ARHGAP35: variants seen among roughly 807,000 people sequenced by gnomAD.
ARHGAP35 encodes Rho GTPase activating protein 35.
Under a neutral mutation model 111.1 loss-of-function variants are expected in ARHGAP35, and 15 were observed. The observed-to-expected ratio is 0.13, with a 90% CI of 0.09 to 0.21. The LOEUF (loss-of-function observed/expected upper bound fraction) is 0.21, where lower values mean the gene tolerates loss of function less well. ARHGAP35 is among the 10% of genes least tolerant of loss of function. ARHGAP35 has a pLI of 1.00. For synonymous variants in ARHGAP35, 643 were observed against 710.3 expected (o/e 0.91, Z 1.51); for missense variants, 1,262 against 1,873.0 (o/e 0.67, Z 6.02).
chr19:46,983,433 A>ATT (rs1457864793), intron 3 of ARHGAP35, among the ~76,000 whole-genome samples: 6 of 152,032 alleles, frequency 3.9e-5, no homozygotes, highest in Admixed American at 2.0e-4. Context: ...GCTTATCATT[A>ATT]TTGTTATTAG....
intron 3 of ARHGAP35, among the ~76,000 whole-genome samples, chr19:46,963,888 G>A (rs773037903): frequency 6.6e-6 from 1 of 151,958 alleles, no homozygotes; most frequent in Non-Finnish European, 1.5e-5. Context: ...TATTTTTTGA[G>A]ATGGAATCTT....
intron 3 of ARHGAP35, among the ~76,000 whole-genome samples, chr19:46,972,669 G>T (rs1234821612): frequency 2.0e-5 from 3 of 152,102 alleles, no homozygotes; most frequent in African/African-American, 7.2e-5. Flanking sequence ...CATATTAAAA[G>T]AGATAATATG....
Position 47,001,198 on chromosome 19 carries a change from G to GT in ARHGAP35, c.*511dup, listed in dbSNP as rs2056746522. 7.9e-7 allele frequency: 1 copy of GT among 1,263,388 alleles called. No individual in the cohort carries two copies. The highest frequency in any genetic ancestry group is 1.5e-5 in the African/African-American group (1 of 64,804). The allele number at this position is 1,263,388 out of a possible 1,614,324, so 78.3% of individuals were successfully genotyped here. On this transcript the variant is annotated 3_prime_UTR_variant, in exon 7 of 7. Transcript: ENST00000672722. The surrounding 1 kb of genome is among the most constrained non-coding windows in gnomAD (Gnocchi z 5.4). Reference sequence around the variant, plus strand: ...CCCGGCTGGCGGCCTCCTTGGGAACGTGTAGGCCACGGCTCTGCCACCACT... The same window carrying GT: ...CCCGGCTGGCGGCCTCCTTGGGAACGTTGTAGGCCACGGCTCTGCCACCACT...
In ARHGAP35 at chr19:46,922,424, G is replaced by T; in HGVS notation, c.3681+68G>T. The T allele has an allele frequency of 7.2e-7, 1 of 1,379,614 alleles. No homozygotes were observed. The highest frequency in any genetic ancestry group is 9.5e-7 in the Non-Finnish European group (1 of 1,047,596). 85.5% of individuals were successfully genotyped at this position (1,379,614 alleles called of 1,614,324 possible). ...GTCTCGGTGAGGGTTGATTGATGAT[G>T]ATTTTTCAAGGACAACCTATTCTGG... On this transcript the variant is annotated intron_variant, in intron 2 of 6. Coordinates refer to ENST00000672722, the MANE Select transcript of ARHGAP35 (RefSeq NM_004491.5). This position sits in a 1 kb window ranked among gnomAD's most constrained non-coding sequence, Gnocchi z 4.0.
Position 46,920,722 on chromosome 19 carries a change from G to A in ARHGAP35, c.2047G>A (p.Glu683Lys). 1 of 1,613,668 alleles carries A rather than the reference G, an allele frequency of 6.2e-7. No homozygotes were observed. ...YVVESIEKSRESTLGRRDNHL... is the reference protein window; with the variant it reads ...YVVESIEKSRKSTLGRRDNHL... Reference sequence around the variant, plus strand: ...AGTGGAAAGTATAGAGAAGAGTAGAGAGTCCACGCTGGGCCGGCGGGATAA... The same window carrying A: ...AGTGGAAAGTATAGAGAAGAGTAGAAAGTCCACGCTGGGCCGGCGGGATAA... The change falls in exon 2 of 7, where the codon GAG becomes AAG. Residue 683 changes from glutamate to lysine, a missense_variant. Around this residue, in one of 8 missense-constraint regions of ARHGAP35, gnomAD observed 579 missense variants for 716.9 expected, o/e 0.81. Transcript: ENST00000672722. This position sits in a 1 kb window ranked among gnomAD's most constrained non-coding sequence, Gnocchi z 7.0.
chr19:46,862,827 C>G (rs1031686390), intron 1 of ARHGAP35, among the ~76,000 whole-genome samples: 1 of 152,154 alleles, frequency 6.6e-6, no homozygotes, highest in Non-Finnish European at 1.5e-5. Context: ...ATTCAGCCCT[C>G]ACCCTTCACT....
chr19:46,880,513 T>C (rs1357973459), intron 1 of ARHGAP35, among the ~76,000 whole-genome samples: 1 of 152,222 alleles, frequency 6.6e-6, no homozygotes, highest in Non-Finnish European at 1.5e-5. Context: ...ACTCCATTTC[T>C]AATTGTAGTT....
At chr19:46,909,468 A>G (rs555760232) in intron 1 of ARHGAP35, among the ~76,000 whole-genome samples, 1 of 152,302 alleles carries the variant, frequency 6.6e-6, no homozygotes, top group African/African-American at 2.4e-5. Flanking sequence ...GCGCGTAATC[A>G]ATATCCAAGA....
At chr19:46,930,963 G>C (rs1042325662) in intron 2 of ARHGAP35, among the ~76,000 whole-genome samples, 2 of 151,954 alleles carry the variant, frequency 1.3e-5, no homozygotes, top group Admixed American at 6.6e-5. Flanking sequence ...TTGCCTTCTA[G>C]GAACTTAGCC....
At chr19:46,946,359 A>G (rs778628834) in intron 3 of ARHGAP35, among the ~76,000 whole-genome samples, 4 of 152,266 alleles carry the variant, frequency 2.6e-5, no homozygotes, top group Non-Finnish European at 5.9e-5. Flanking sequence ...GTGTCAGTAA[A>G]GTTCAGGGTT....
At chr19:46,972,795 A>T (rs2056558046) in intron 3 of ARHGAP35, among the ~76,000 whole-genome samples, 1 of 152,156 alleles carries the variant, frequency 6.6e-6, no homozygotes, top group Non-Finnish European at 1.5e-5. Context: ...ATTTTCTCTT[A>T]AGAAAAATGG....
At chr19:46,892,290 G>A (rs1190196785) in intron 1 of ARHGAP35, among the ~76,000 whole-genome samples, 2 of 145,844 alleles carry the variant, frequency 1.4e-5, no homozygotes, top group South Asian at 2.2e-4. Flanking sequence ...GCGACAGAGC[G>A]AGACTTTGTC....
intron 3 of ARHGAP35, among the ~76,000 whole-genome samples, chr19:46,973,463 G>A (rs2056562435): frequency 1.3e-5 from 2 of 152,170 alleles, no homozygotes; most frequent in Non-Finnish European, 2.9e-5. Flanking sequence ...GGCCAAGGCG[G>A]GTGGATCCGA....
Position 46,922,649 on chromosome 19 carries a change from G to A in ARHGAP35, c.3681+293G>A, listed in dbSNP as rs2056210360. Among the ~76,000 whole-genome samples the A allele has an allele frequency of 6.6e-6, 1 of 152,186 alleles. No individual in the cohort carries two copies. The highest frequency in any genetic ancestry group is 1.5e-5 in the Non-Finnish European group (1 of 68,040). ...TGTCAGTGTCTTGACAAGTGGCCAAGCGCAGTGACAATACACTTGCTCTCC... is the reference window on the plus strand; with the variant it reads ...TGTCAGTGTCTTGACAAGTGGCCAAACGCAGTGACAATACACTTGCTCTCC... On this transcript the variant is annotated intron_variant, in intron 2 of 6. Coordinates refer to ENST00000672722, the MANE Select transcript of ARHGAP35 (RefSeq NM_004491.5). The surrounding 1 kb of genome is among the most constrained non-coding windows in gnomAD (Gnocchi z 4.0).
At position 46,919,191 on chromosome 19, in the gene ARHGAP35, G is replaced by A. The variant is rs2056181604; in HGVS notation, c.516G>A (p.Arg172=). 6.2e-7 allele frequency: 1 copy of A among 1,613,774 alleles called. No homozygotes were observed. The highest frequency in any genetic ancestry group is 1.3e-5 in the African/African-American group (1 of 74,882). The change falls in exon 2 of 7, where the codon AGG becomes AGA. Residue 172 remains arginine (R), a synonymous_variant. Coordinates refer to ENST00000672722, the MANE Select transcript of ARHGAP35 (RefSeq NM_004491.5). The surrounding 1 kb of genome is among the most constrained non-coding windows in gnomAD (Gnocchi z 6.2). The part of the protein sequence containing the change: ...LGIDVSRGMN[R]NFDDQLKFVS... ...TTGATGTTAGCAGGGGCATGAATAG[G>A]AACTTTGATGACCAGCTCAAGTTTG...
At chr19:46,885,394 A>T (rs1231958918) in intron 1 of ARHGAP35, among the ~76,000 whole-genome samples, 1 of 152,210 alleles carries the variant, frequency 6.6e-6, no homozygotes, top group African/African-American at 2.4e-5. Flanking sequence ...CCTTGTACCC[A>T]TTACTCAGAA....
chr19:46,920,640 A>G lies in ARHGAP35; in HGVS notation c.1965A>G (p.Thr655=), dbSNP rs1226591919. Residue 655 remains threonine, a synonymous_variant, in exon 2 of 7, where the codon ACA becomes ACG. Coordinates refer to ENST00000672722, the MANE Select transcript of ARHGAP35 (RefSeq NM_004491.5). This position sits in a 1 kb window ranked among gnomAD's most constrained non-coding sequence, Gnocchi z 7.0. ...RLPVNSFQTP[T]FQPHGCLCLY... ...CTGTGAACTCTTTCCAGACGCCAAC[A>G]TTTCAGCCCCACGGCTGTCTCTGCC... The G allele has an allele frequency of 1.1e-5, 17 of 1,614,026 alleles. No homozygotes were observed. Among genetic ancestry groups the G allele is most frequent in the Non-Finnish European group, 1.3e-5 (15 of 1,179,900 alleles).
Position 46,919,728 on chromosome 19 carries a change from TA to T in ARHGAP35, c.1054del (p.Ile352TyrfsTer4). ...AALPLAFEAL[I>X]PNLDEIDHLS... ...CCCTGCCATTAGCTTTTGAAGCTCT[TA>T]TACCTAATCTAGATGAAATAGACCA... On this transcript the variant is annotated frameshift_variant, in exon 2 of 7. Coordinates refer to ENST00000672722, the MANE Select transcript of ARHGAP35 (RefSeq NM_004491.5). LOFTEE classifies it high-confidence loss of function. The surrounding 1 kb of genome is among the most constrained non-coding windows in gnomAD (Gnocchi z 6.2). The T allele has an allele frequency of 6.2e-7, 1 of 1,614,052 alleles. No individual in the cohort carries two copies. The highest frequency in any genetic ancestry group is 8.5e-7 in the Non-Finnish European group (1 of 1,179,896).
chr19:46,971,371 A>C (rs1293798806), intron 3 of ARHGAP35, among the ~76,000 whole-genome samples: 1 of 151,808 alleles, frequency 6.6e-6, no homozygotes, highest in Non-Finnish European at 1.5e-5. Flanking sequence ...ACGCCGCTGT[A>C]CTCCAGCCCG....
Sources: gnomAD v4.1 joint callset for allele counts (sites outside exome capture counted in the v4.1 genomes callset) on GRCh38, gnomAD v4.1.1 for gene constraint, gnomAD v4.1.1 regional missense constraint, Gnocchi (gnomAD v3.1) non-coding constraint, MANE v1.5 for transcripts, NCBI Gene and HGNC (gene_info 2026-07-23, HGNC 2026-07-21) for gene names.